The following RERE variants were observed in gnomAD, a reference collection of about 807,000 sequenced individuals.
RERE encodes arginine-glutamic acid dipeptide repeats.
A neutral mutation model predicts 146.1 loss-of-function variants in RERE; 40 were observed. That is an observed-to-expected ratio of 0.27 (90% confidence interval 0.21 to 0.36). The LOEUF (loss-of-function observed/expected upper bound fraction) is 0.36. Among genes scored for constraint, RERE ranks in the 10% least tolerant of loss-of-function variants. The pLI is 1.00. For synonymous variants in RERE, 1,003 were observed against 866.0 expected (o/e 1.16, Z -2.78); for missense variants, 1,933 against 2,138.7 (o/e 0.90, Z 1.90).
At chr1:8,538,799 A>C (rs1325236992) in intron 7 of RERE, among the ~76,000 whole-genome samples, 2 of 152,244 alleles carry the variant, frequency 1.3e-5, no homozygotes, top group Non-Finnish European at 2.9e-5. Context: ...AAGGTCACTA[A>C]GGGAAGTGAT....
intron 11 of RERE, among the ~76,000 whole-genome samples, chr1:8,445,746 C>A (rs558349464): frequency 5.3e-5 from 8 of 151,842 alleles, no homozygotes; most frequent in African/African-American, 1.5e-4. Context: ...ATAGTTTACA[C>A]GTACCATGGT....
chr1:8,727,388 C>T lies in RERE; in HGVS notation c.-144-70947G>A, dbSNP rs1376132644. Reference sequence around the variant, plus strand: ...AACTGCCGACCTCAGGTGATCCGCCCGCCTCAGCCTCTTAAAGGGCTGGGA... The same window carrying T: ...AACTGCCGACCTCAGGTGATCCGCCTGCCTCAGCCTCTTAAAGGGCTGGGA... On this transcript the variant is annotated intron_variant, in intron 1 of 22. Coordinates refer to ENST00000400908, the MANE Select transcript of RERE (RefSeq NM_001042681.2). Among the ~76,000 whole-genome samples, 9 of 152,262 alleles carry T rather than the reference C, an allele frequency of 5.9e-5. 1 individual carries two copies. The East Asian group carries it at 1.5e-3, about 26-fold the overall frequency.
In RERE at chr1:8,358,716, G is replaced by C; in HGVS notation, c.3819C>G (p.Pro1273=). Residue 1273 remains proline, a synonymous_variant, in exon 20 of 23, where the codon CCC becomes CCG. Transcript: ENST00000400908. ...CCGTGGGGTTAAGGGGCATGTAGAA[G>C]GGGTGGTTGCGGTTGGTGGGCGACA... ...HVMSPTNRNH[P]FYMPLNPTDP... 6.2e-7 allele frequency: 1 copy of C among 1,603,358 alleles called. No individual in the cohort carries two copies. Among genetic ancestry groups the C allele is most frequent in the Non-Finnish European group, 8.5e-7 (1 of 1,173,622 alleles).
At chr1:8,365,351 A>G (rs935592940) in intron 13 of RERE, among the ~76,000 whole-genome samples, 2 of 152,200 alleles carry the variant, frequency 1.3e-5, no homozygotes, top group African/African-American at 4.8e-5. Flanking sequence ...CTCCAGCATC[A>G]TTAGATTGTA....
chr1:8,486,396 A>G (rs1557653612), intron 10 of RERE, among the ~76,000 whole-genome samples: 1 of 152,198 alleles, frequency 6.6e-6, no homozygotes, highest in African/African-American at 2.4e-5. Context: ...TCCAAAAAAT[A>G]AAACTTAGAG....
chr1:8,611,943 A>G (rs1300452826), intron 4 of RERE, among the ~76,000 whole-genome samples: 1 of 152,178 alleles, frequency 6.6e-6, no homozygotes, highest in Non-Finnish European at 1.5e-5. Context: ...CACTGAACAC[A>G]GTACTTTTTA....
chr1:8,588,052 T>C (rs1646448331), intron 4 of RERE, among the ~76,000 whole-genome samples: 1 of 152,190 alleles, frequency 6.6e-6, no homozygotes, highest in Admixed American at 6.5e-5. Context: ...CTATGTGCCA[T>C]GCACTGTAAA....
chr1:8,725,971 C>A lies in RERE; in HGVS notation c.-144-69530G>T, dbSNP rs533198955. Among the ~76,000 whole-genome samples, 31 of 151,880 alleles carry A rather than the reference C, an allele frequency of 2.0e-4. 3 individuals are homozygous for A. The East Asian group carries it at 2.5e-3, about 12-fold the overall frequency. ...AAAGTCAAAATAAGTCAAACTCTTCCCATTTGTTTGAATAGAGGGTACATT... is the reference window on the plus strand; with the variant it reads ...AAAGTCAAAATAAGTCAAACTCTTCACATTTGTTTGAATAGAGGGTACATT... On this transcript the variant is annotated intron_variant, in intron 1 of 22. Transcript: ENST00000400908.
Position 8,360,883 on chromosome 1 carries a change from G to C in RERE, c.2624C>G (p.Pro875Arg), listed in dbSNP as rs576711501. The change falls in exon 18 of 23, where the codon CCT becomes CGT. Residue 875 changes from proline (P) to arginine (R), a missense_variant. Around this residue, in one of 11 missense-constraint regions of RERE, gnomAD observed 1,255 missense variants for 1,153.8 expected, o/e 1.09. Transcript: ENST00000400908. ...HPGPPQPFGL[P>R]PQASQGQAPL... ...GGCCTGGCCTTGGGAGGCCTGGGGA[G>C]GGAGGCCAAAGGGCTGTGGGGGGCC... 13 of 1,519,844 alleles carry C rather than the reference G, an allele frequency of 8.6e-6. No homozygotes were observed. The highest frequency in any genetic ancestry group is 6.2e-5 in the Admixed American group (3 of 48,534). The allele number at this position is 1,519,844 out of a possible 1,614,324, so 94.1% of individuals were successfully genotyped here. A position where few individuals can be genotyped will look rare whatever the true frequency, so the allele number is the denominator to read the frequency against.
intron 1 of RERE, among the ~76,000 whole-genome samples, chr1:8,761,480 G>A (rs532164518): frequency 6.6e-6 from 1 of 152,174 alleles, no homozygotes; most frequent in South Asian, 2.1e-4. Context: ...TAATGGCACA[G>A]GTGTAATGCA....
intron 3 of RERE, among the ~76,000 whole-genome samples, chr1:8,623,309 G>A (rs1646937991): frequency 6.6e-6 from 1 of 152,064 alleles, no homozygotes; most frequent in African/African-American, 2.4e-5. Context: ...AAATCAGCCG[G>A]TTGTACTGGC....
chr1:8,731,211 A>G (rs1202854780), intron 1 of RERE, among the ~76,000 whole-genome samples: 1 of 152,186 alleles, frequency 6.6e-6, no homozygotes, highest in Non-Finnish European at 1.5e-5. Flanking sequence ...GGAGGTCCAG[A>G]CTTAAGAGGG....
intron 6 of RERE, among the ~76,000 whole-genome samples, chr1:8,553,504 G>C (rs1262250474): frequency 1.3e-5 from 2 of 152,232 alleles, no homozygotes; most frequent in African/African-American, 2.4e-5. Context: ...CATTAGGCCA[G>C]CTTGTTCAGT....
At chr1:8,476,730 C>T (rs1286075821) in intron 10 of RERE, among the ~76,000 whole-genome samples, 2 of 152,148 alleles carry the variant, frequency 1.3e-5, no homozygotes, top group Non-Finnish European at 2.9e-5. Flanking sequence ...GAGAAATAAG[C>T]AGTGCTATTA....
intron 7 of RERE, among the ~76,000 whole-genome samples, chr1:8,511,468 G>T (rs1645334145): frequency 6.6e-6 from 1 of 152,306 alleles, no homozygotes; most frequent in Non-Finnish European, 1.5e-5. Context: ...GAGCAGGTAG[G>T]ATCTGAGGTG....
intron 1 of RERE, among the ~76,000 whole-genome samples, chr1:8,768,739 A>G (rs1001757285): frequency 3.3e-5 from 5 of 152,202 alleles, no homozygotes; most frequent in African/African-American, 1.2e-4. Flanking sequence ...TTATGAATAC[A>G]TGTAACAACA....
intron 11 of RERE, among the ~76,000 whole-genome samples, chr1:8,431,062 A>T (rs1025155805): frequency 6.6e-6 from 1 of 152,176 alleles, no homozygotes; most frequent in Non-Finnish European, 1.5e-5. Flanking sequence ...GTGCAGGCTT[A>T]TTACCCTTAC....
At chr1:8,644,000 G>T (rs2401138) in intron 2 of RERE, among the ~76,000 whole-genome samples, 1 of 151,956 alleles carries the variant, frequency 6.6e-6, no homozygotes, top group Non-Finnish European at 1.5e-5. Flanking sequence ...CCAGCATAAA[G>T]TGCACATTCT....
rs563541272 is a variant in RERE at position 8,408,812 on chromosome 1, G to A, written c.1284+13915C>T. On this transcript the variant is annotated intron_variant, in intron 12 of 22. Transcript: ENST00000400908. ...TGTGCTATAAAAAATGACTCCTGCC[G>A]TGAGTGCTGCGGGGAGGTGGAGGCT... Among the ~76,000 whole-genome samples, 6 of 152,264 alleles carry A rather than the reference G, an allele frequency of 3.9e-5. No homozygotes were observed. In the East Asian group the frequency reaches 9.6e-4, roughly 24 times the overall value.
Sources: gnomAD v4.1 joint callset for allele counts (sites outside exome capture counted in the v4.1 genomes callset) on GRCh38, gnomAD v4.1.1 for gene constraint, gnomAD v4.1.1 regional missense constraint, MANE v1.5 for transcripts, NCBI Gene and HGNC (gene_info 2026-07-23, HGNC 2026-07-21) for gene names.